The following PPTC7 variants were observed in gnomAD, a reference collection of about 807,000 sequenced individuals.
PPTC7 encodes the protein protein phosphatase PTC7 homolog.
In PPTC7, 6 loss-of-function variants were observed where a neutral mutation model predicts 30.8. The observed-to-expected ratio is 0.19, with a 90% confidence interval of 0.11 to 0.38. The LOEUF (loss-of-function observed/expected upper bound fraction) is 0.38, where lower values mean the gene tolerates loss of function less well. PPTC7 is among the 10% of genes least tolerant of loss of function. PPTC7 has a pLI of 1.00. For missense variants in PPTC7, 218 were observed against 404.8 expected, an observed-to-expected ratio of 0.54 and a Z score of 3.96; for synonymous variants, 163 against 168.1, an observed-to-expected ratio of 0.97 and a Z score of 0.23.
In PPTC7 at chr12:110,551,646, G is replaced by C. The variant is rs374483352; in HGVS notation, c.403+143C>G. On this transcript the variant is annotated intron_variant, in intron 2 of 5. Coordinates refer to ENST00000354300, the MANE Select transcript of PPTC7 (RefSeq NM_139283.2). ...ACAGGCGTGAGCCACTGCGCCCAGC[G>C]GTTAGCCTATAGTTTCTCTATCACA... is the stretch of plus-strand genomic sequence containing the variant. The C allele has an allele frequency of 1.6e-4, 117 of 745,382 alleles. No homozygotes were observed. The African/African-American group carries it at 1.9e-3, about 12-fold the overall frequency. The allele number at this position is 745,382 out of a possible 1,614,324, so 46.2% of individuals were successfully genotyped here. A position where few individuals can be genotyped will look rare whatever the true frequency, so the allele number is the denominator to read the frequency against.
At position 110,536,939 on chromosome 12, in the gene PPTC7, G is replaced by C. The variant is rs73191841; in HGVS notation, c.*98C>G. The C allele has an allele frequency of 0.096, 83,231 of 868,786 alleles. 4,976 individuals carry two copies. Among genetic ancestry groups the C allele is most frequent in the Non-Finnish European group, 0.12 (64,329 of 514,892 alleles). The allele number at this position is 868,786 out of a possible 1,614,324, so 53.8% of individuals were successfully genotyped here. A position where few individuals can be genotyped will look rare whatever the true frequency, so the allele number is the denominator to read the frequency against. On this transcript the variant is annotated 3_prime_UTR_variant, in exon 6 of 6. Transcript: ENST00000354300. ...AAAGACTTACATCACTGGCCATTGA[G>C]ATCAGTGGCAAAGAAATGTGGTCCT...
intron 3 of PPTC7, among the ~76,000 whole-genome samples, chr12:110,542,011 T>C (rs768583919): frequency 5.3e-5 from 8 of 151,818 alleles, no homozygotes; most frequent in Non-Finnish European, 1.2e-4. Context: ...CCAAGCATGG[T>C]GGCGTGCGCC....
At chr12:110,564,975 G>C (rs1378031023) in intron 1 of PPTC7, among the ~76,000 whole-genome samples, 1 of 149,528 alleles carries the variant, frequency 6.7e-6, no homozygotes, top group Non-Finnish European at 1.5e-5. Flanking sequence ...CCTGGGTTTA[G>C]GAGACTCTCC....
chr12:110,545,663 G>A (rs910622306), intron 3 of PPTC7, among the ~76,000 whole-genome samples: 4 of 152,182 alleles, frequency 2.6e-5, no homozygotes, highest in African/African-American at 9.7e-5. Context: ...TCATGGTCTT[G>A]TCAAATTATT....
Position 110,551,808 on chromosome 12 carries a change from T to C in PPTC7, c.384A>G (p.Gln128=), listed in dbSNP as rs372802946. 121 of 1,613,674 alleles carry C rather than the reference T, an allele frequency of 7.5e-5. No individual in the cohort carries two copies. The Middle Eastern group carries it at 1.3e-3, about 18-fold the overall frequency. ...ACTTACCGAGCAAAGGGACTTTATT[T>C]TGCAGCAACTCACAGTAGCTTGTGG... ...ILTTSYCELL[Q]NKVPLLGSST... The change falls in exon 2 of 6, where the codon CAA becomes CAG. Residue 128 remains glutamine (Q), a synonymous_variant. Transcript: ENST00000354300.
chr12:110,561,306 CT>C (rs368718066), intron 1 of PPTC7, among the ~76,000 whole-genome samples: 31 of 149,828 alleles, frequency 2.1e-4, no homozygotes, highest in East Asian at 1.4e-3. Flanking sequence ...ATCAACATTT[CT>C]TTTTTTTTTC....
intron 3 of PPTC7, among the ~76,000 whole-genome samples, chr12:110,543,424 A>T (rs1361270716): frequency 6.6e-6 from 1 of 151,924 alleles, no homozygotes; most frequent in African/African-American, 2.4e-5. Context: ...CTAAGGAGAT[A>T]CATGCAGCAT....
chr12:110,561,558 G>GC (rs1344876586), intron 1 of PPTC7, among the ~76,000 whole-genome samples: 2 of 152,052 alleles, frequency 1.3e-5, no homozygotes, highest in Admixed American at 6.6e-5. Context: ...TCAAGTGATT[G>GC]CCCCCCAACA....
chr12:110,582,427 T>C (rs753027028), intron 1 of PPTC7, among the ~76,000 whole-genome samples: 1 of 151,978 alleles, frequency 6.6e-6, no homozygotes, highest in East Asian at 1.9e-4. Context: ...CCCCGGGGCA[T>C]GCGGAGAGGG....
intron 1 of PPTC7, among the ~76,000 whole-genome samples, chr12:110,565,754 T>A (rs973972323): frequency 9.2e-5 from 14 of 152,220 alleles, no homozygotes; most frequent in African/African-American, 3.4e-4. Context: ...ATAAAATATT[T>A]CCTGCATATG....
intron 1 of PPTC7, among the ~76,000 whole-genome samples, chr12:110,553,107 T>C (rs1305720522): frequency 6.6e-6 from 1 of 150,494 alleles, no homozygotes; most frequent in Non-Finnish European, 1.5e-5. Context: ...TGCTTGAACC[T>C]GGGAAGTGGA....
chr12:110,576,794 T>G (rs1233033986), intron 1 of PPTC7, among the ~76,000 whole-genome samples: 1 of 152,198 alleles, frequency 6.6e-6, no homozygotes, highest in African/African-American at 2.4e-5. Flanking sequence ...TACAACTTTG[T>G]GAATGTAAAA....
intron 2 of PPTC7, 89 bp from the exon 3 acceptor site, chr12:110,546,167 C>A: frequency 9.7e-7 from 1 of 1,033,578 alleles, no homozygotes; most frequent in Non-Finnish European, 1.4e-6. Context: ...GAGCAACACA[C>A]CATAATTTCA....
chr12:110,554,698 C>G (rs978135021), intron 1 of PPTC7, among the ~76,000 whole-genome samples: 1 of 152,128 alleles, frequency 6.6e-6, no homozygotes, highest in Non-Finnish European at 1.5e-5. Flanking sequence ...TACTCAAACT[C>G]TTGCAAAACA....
intron 1 of PPTC7, among the ~76,000 whole-genome samples, chr12:110,557,836 A>T (rs1357723147): frequency 6.6e-6 from 1 of 152,190 alleles, no homozygotes; most frequent in African/African-American, 2.4e-5. Flanking sequence ...CAATCATGGC[A>T]GAAGGGGAAG....
At chr12:110,549,414 T>G (rs1035231017) in intron 2 of PPTC7, among the ~76,000 whole-genome samples, 2 of 152,146 alleles carry the variant, frequency 1.3e-5, no homozygotes, top group Non-Finnish European at 2.9e-5. Flanking sequence ...CTGGTAAAGT[T>G]GTCATGATTT....
intron 1 of PPTC7, among the ~76,000 whole-genome samples, chr12:110,581,090 T>C (rs2064633286): frequency 6.6e-6 from 1 of 152,020 alleles, no homozygotes; most frequent in Non-Finnish European, 1.5e-5. Context: ...AGGCTCATTA[T>C]CCCCTATCCT....
In PPTC7 at chr12:110,571,360, T is replaced by A. The variant is rs867013782; in HGVS notation, c.223+11449A>T. 5.3e-5 allele frequency among the ~76,000 whole-genome samples: 8 copies of A among 150,618 alleles called. No individual in the cohort carries two copies. The Middle Eastern group carries it at 0.014, about 256-fold the overall frequency. On this transcript the variant is annotated intron_variant, in intron 1 of 5. Transcript: ENST00000354300. ...TTGGTAAGGAACTAAAACAAGCAGG[T>A]AGGAAGGGTAATATCATTCCACTTA...
At chr12:110,551,682 T>C (rs1250190376) in intron 2 of PPTC7, 107 bp downstream of exon 2, 2 of 1,025,260 alleles carry the variant, frequency 2.0e-6, no homozygotes, top group African/African-American at 3.2e-5. Flanking sequence ...CTCTGCTTAG[T>C]AGGAAGAGCC....
Sources: allele counts gnomAD v4.1 joint callset (sites outside exome capture counted in the v4.1 genomes callset), GRCh38; gene constraint gnomAD v4.1.1; transcripts MANE v1.5; gene names NCBI Gene and HGNC (gene_info 2026-07-23, HGNC 2026-07-21).